IFNG-AS1: variants seen among roughly 807,000 people sequenced by gnomAD.
IFNG-AS1 encodes IFNG regulatory antisense RNA 1, also known as IFNG antisense RNA 1 (non-protein coding).
intron 1 of IFNG-AS1, among the ~76,000 whole-genome samples, chr12:67,995,460 C>T (rs762479321): frequency 4.2e-5 from 6 of 141,490 alleles, no homozygotes; most frequent in African/African-American, 1.3e-4. Flanking sequence ...CTGTGGCTCA[C>T]GCCTGTAATC....
At chr12:68,008,945 T>A (rs1274187399) in intron 3 of IFNG-AS1, among the ~76,000 whole-genome samples, 2 of 152,228 alleles carry the variant, frequency 1.3e-5, no homozygotes, top group Admixed American at 1.3e-4. Flanking sequence ...AAGCACTCCA[T>A]GTGATTTTAT....
At chr12:68,006,538 T>C (rs1393286371) in intron 3 of IFNG-AS1, among the ~76,000 whole-genome samples, 2 of 152,190 alleles carry the variant, frequency 1.3e-5, no homozygotes, top group Non-Finnish European at 2.9e-5. Context: ...CCCCATGATC[T>C]CTGCCCGGGT....
chr12:68,017,733 CTAGAGAGGTGGCA>C (rs1169922249), intron 3 of IFNG-AS1, among the ~76,000 whole-genome samples: 9 of 152,138 alleles, frequency 5.9e-5, no homozygotes, highest in Non-Finnish European at 1.2e-4. Flanking sequence ...AAGGCTCAAT[CTAGAGAGGTGGCA>C]TAGAGAATAA....
chr12:68,002,144 A>G (rs1363981529), intron 2 of IFNG-AS1, among the ~76,000 whole-genome samples: 1 of 152,242 alleles, frequency 6.6e-6, no homozygotes, highest in East Asian at 1.9e-4. Context: ...GAGCTGGTCT[A>G]GAATCAATGA....
chr12:68,011,909 G>A (rs921701256), intron 3 of IFNG-AS1, among the ~76,000 whole-genome samples: 1 of 152,188 alleles, frequency 6.6e-6, no homozygotes, highest in Non-Finnish European at 1.5e-5. Flanking sequence ...CAATGCTGTT[G>A]CCTTTCAGTT....
chr12:68,002,783 A>G (rs1393968622), intron 2 of IFNG-AS1, among the ~76,000 whole-genome samples: 1 of 152,220 alleles, frequency 6.6e-6, no homozygotes, highest in African/African-American at 2.4e-5. Flanking sequence ...TGGAATTAAC[A>G]TGATATTACT....
At chr12:68,014,545 T>C (rs1050926500) in intron 3 of IFNG-AS1, among the ~76,000 whole-genome samples, 2 of 152,234 alleles carry the variant, frequency 1.3e-5, no homozygotes, top group Non-Finnish European at 2.9e-5. Flanking sequence ...TGATCATTAG[T>C]GATGTTGAGC....
At chr12:68,006,945 AG>A (rs1879919374) in intron 3 of IFNG-AS1, among the ~76,000 whole-genome samples, 1 of 152,268 alleles carries the variant, frequency 6.6e-6, no homozygotes, top group Admixed American at 6.5e-5. Context: ...AAATAATAAA[AG>A]CATGTTGTTT....
chr12:67,991,205 T>C (rs1364663921), intron 1 of IFNG-AS1, among the ~76,000 whole-genome samples: 1 of 152,212 alleles, frequency 6.6e-6, no homozygotes, highest in African/African-American at 2.4e-5. Flanking sequence ...GGATTATGTG[T>C]TCTGTAAAAC....
intron 2 of IFNG-AS1, among the ~76,000 whole-genome samples, chr12:68,002,645 T>A (rs1879796108): frequency 6.6e-6 from 1 of 152,208 alleles, no homozygotes; most frequent in Admixed American, 6.5e-5. Context: ...AACTGGTCTA[T>A]CTCTATTCTC....
intron 3 of IFNG-AS1, among the ~76,000 whole-genome samples, chr12:68,018,941 C>G (rs1000973346): frequency 6.6e-6 from 1 of 151,926 alleles, no homozygotes; most frequent in African/African-American, 2.4e-5. Flanking sequence ...TTTTACCACG[C>G]CTTTGAGTGG....
At chr12:68,010,616 T>C (rs1880004950) in intron 3 of IFNG-AS1, among the ~76,000 whole-genome samples, 1 of 152,230 alleles carries the variant, frequency 6.6e-6, no homozygotes, top group African/African-American at 2.4e-5. Context: ...TCTTGTTTAA[T>C]GAACTCTTGC....
chr12:68,012,464 A>G (rs1880054844), intron 3 of IFNG-AS1, among the ~76,000 whole-genome samples: 2 of 152,176 alleles, frequency 1.3e-5, no homozygotes. Context: ...CAACCAGGGG[A>G]ATGCTGCCTT....
intron 2 of IFNG-AS1, among the ~76,000 whole-genome samples, chr12:68,000,611 G>T (rs1193081488): frequency 6.6e-6 from 1 of 152,152 alleles, no homozygotes; most frequent in Non-Finnish European, 1.5e-5. Context: ...GTTTCAGACT[G>T]CAGTGAGCTG....
chr12:68,005,316 C>T (rs1270447108), intron 2 of IFNG-AS1, among the ~76,000 whole-genome samples: 2 of 152,160 alleles, frequency 1.3e-5, no homozygotes, highest in Non-Finnish European at 2.9e-5. Flanking sequence ...CTCAGAAGGC[C>T]TATACTGACA....
chr12:68,004,220 C>A (rs1040021161), intron 2 of IFNG-AS1, among the ~76,000 whole-genome samples: 3 of 152,136 alleles, frequency 2.0e-5, no homozygotes, highest in African/African-American at 7.2e-5. Flanking sequence ...CACTGGGTAC[C>A]AATGCATGGA....
chr12:67,997,769 CT>C (rs1265159603), intron 2 of IFNG-AS1, among the ~76,000 whole-genome samples: 6 of 151,536 alleles, frequency 4.0e-5, no homozygotes, highest in African/African-American at 1.5e-4. Flanking sequence ...AGTATATATT[CT>C]GCTAATATAT....
At chr12:68,010,278 C>T (rs1282112886) in intron 3 of IFNG-AS1, among the ~76,000 whole-genome samples, 1 of 152,158 alleles carries the variant, frequency 6.6e-6, no homozygotes, top group Non-Finnish European at 1.5e-5. Context: ...GACCTTTGTT[C>T]AGCATTTTTC....
intron 3 of IFNG-AS1, among the ~76,000 whole-genome samples, chr12:68,007,522 C>A (rs1879932736): frequency 1.3e-5 from 2 of 152,188 alleles, no homozygotes; most frequent in African/African-American, 4.8e-5. Flanking sequence ...GAAATACAAT[C>A]TCAATTTTAA....
Sources: allele counts gnomAD v4.1 joint callset (sites outside exome capture counted in the v4.1 genomes callset), GRCh38; gene constraint gnomAD v4.1.1; transcripts MANE v1.5; gene names NCBI Gene and HGNC (gene_info 2026-07-23, HGNC 2026-07-21).